Variants in EYS observed in about 807,000 individuals in gnomAD.
EYS encodes the protein EGF-like photoreceptor maintenance factor.
EYS carries 250 observed loss-of-function variants against 282.1 expected under a neutral mutation model. That is an observed-to-expected ratio of 0.89 (90% confidence interval 0.80 to 0.98). The LOEUF (loss-of-function observed/expected upper bound fraction) is 0.98, where lower values mean the gene tolerates loss of function less well. Ranked by LOEUF, EYS falls within the 50% of genes least tolerant of loss-of-function variation. EYS has a pLI of 0.00. For missense variants in EYS, 4,016 were observed against 3,709.0 expected, an observed-to-expected ratio of 1.08 and a Z score of -2.15; for synonymous variants, 1,355 against 1,282.9, an observed-to-expected ratio of 1.06 and a Z score of -1.20.
intron 5 of EYS, among the ~76,000 whole-genome samples, chr6:65,436,844 A>T (rs531055771): frequency 6.6e-6 from 1 of 152,276 alleles, no homozygotes; most frequent in East Asian, 1.9e-4. Flanking sequence ...TTAATATTTT[A>T]TTTAAAGAAA....
intron 35 of EYS, among the ~76,000 whole-genome samples, chr6:63,930,300 A>G (rs1446379618): frequency 9.2e-6 from 1 of 109,060 alleles, no homozygotes; most frequent in Non-Finnish European, 2.0e-5. Flanking sequence ...CCCAAAAACC[A>G]AACAAAAAGT....
At chr6:64,720,897 A>AT (rs983603932) in intron 22 of EYS, among the ~76,000 whole-genome samples, 1 of 152,160 alleles carries the variant, frequency 6.6e-6, no homozygotes, top group Admixed American at 6.5e-5. Flanking sequence ...AAACATCTGC[A>AT]TTTTTTTATG....
intron 13 of EYS, among the ~76,000 whole-genome samples, chr6:64,998,774 T>TG (rs1280841228): frequency 6.6e-6 from 1 of 152,246 alleles, no homozygotes; most frequent in African/African-American, 2.4e-5. Flanking sequence ...ATGTTACACA[T>TG]GGTATTTTTT....
chr6:64,420,832 A>C (rs1351100731), intron 28 of EYS, among the ~76,000 whole-genome samples: 1 of 152,150 alleles, frequency 6.6e-6, no homozygotes, highest in Non-Finnish European at 1.5e-5. Flanking sequence ...TCCATCTGAG[A>C]CCACCTCAGC....
chr6:64,744,948 T>C (rs959336379), intron 22 of EYS, among the ~76,000 whole-genome samples: 3 of 152,162 alleles, frequency 2.0e-5, no homozygotes, highest in Admixed American at 6.6e-5. Flanking sequence ...TTAAAAACTC[T>C]GGAACAGTTA....
intron 24 of EYS, among the ~76,000 whole-genome samples, chr6:64,607,277 A>G (rs1429272530): frequency 6.6e-6 from 1 of 152,054 alleles, no homozygotes; most frequent in Non-Finnish European, 1.5e-5. Context: ...TGTGAAGAAA[A>G]GAAGTTTTGG....
At chr6:64,918,965 G>A (rs759274555) in intron 15 of EYS, among the ~76,000 whole-genome samples, 12 of 151,964 alleles carry the variant, frequency 7.9e-5, no homozygotes, top group Non-Finnish European at 1.5e-4. Flanking sequence ...TTTAAATTTG[G>A]CCTTCTCTGC....
chr6:65,691,857 G>T lies in EYS; in HGVS notation c.-448+15278C>A, dbSNP rs899997028. 2.0e-5 allele frequency among the ~76,000 whole-genome samples: 3 copies of T among 150,342 alleles called. 1 individual carries two copies. The Admixed American group carries it at 2.0e-4, about 10-fold the overall frequency. ...ATAGGGAACCCTTTTCCCATTTCTT[G>T]TTTTTGTCAGGTTTGCCTAAGATCA... On this transcript the variant is annotated intron_variant, in intron 1 of 42. Transcript: ENST00000503581.
chr6:64,784,927 G>A (rs1210137048), intron 22 of EYS, among the ~76,000 whole-genome samples: 1 of 152,136 alleles, frequency 6.6e-6, no homozygotes, highest in South Asian at 2.1e-4. Flanking sequence ...TCTGACTTGG[G>A]AGAACACAAG....
At chr6:65,169,656 A>G (rs2150226552) in intron 12 of EYS, among the ~76,000 whole-genome samples, 1 of 151,574 alleles carries the variant, frequency 6.6e-6, no homozygotes, top group South Asian at 2.1e-4. Flanking sequence ...AAACTTTTAA[A>G]GGCAAAATTT....
At chr6:65,154,511 ATAAAG>A (rs1764688227) in intron 12 of EYS, among the ~76,000 whole-genome samples, 1 of 151,720 alleles carries the variant, frequency 6.6e-6, no homozygotes. Context: ...CAGATCCGAT[ATAAAG>A]TAATTTTATA....
chr6:65,045,893 T>C (rs1189969641), intron 13 of EYS, among the ~76,000 whole-genome samples: 1 of 151,922 alleles, frequency 6.6e-6, no homozygotes, highest in African/African-American at 2.4e-5. Flanking sequence ...AGATTTGTTA[T>C]AGCACTGCAA....
chr6:64,981,483 T>A (rs1414053049), intron 14 of EYS, among the ~76,000 whole-genome samples: 1 of 151,330 alleles, frequency 6.6e-6, no homozygotes, highest in Non-Finnish European at 1.5e-5. Flanking sequence ...TCTTGACAGA[T>A]CAAACATGCC....
chr6:65,167,704 T>C (rs1212682819), intron 12 of EYS, among the ~76,000 whole-genome samples: 1 of 151,312 alleles, frequency 6.6e-6, no homozygotes, highest in Non-Finnish European at 1.5e-5. Context: ...GATTATTATA[T>C]CTCCGAATAT....
intron 1 of EYS, among the ~76,000 whole-genome samples, chr6:65,642,749 G>C (rs1430221738): frequency 6.6e-6 from 1 of 152,112 alleles, no homozygotes; most frequent in Non-Finnish European, 1.5e-5. Context: ...TACAAGACCT[G>C]CAGTGATTTT....
At chr6:65,217,282 C>G (rs370016406) in intron 12 of EYS, among the ~76,000 whole-genome samples, 62 of 151,978 alleles carry the variant, frequency 4.1e-4, no homozygotes, top group South Asian at 4.1e-4. Context: ...AAATTTAAGA[C>G]TGTAGCAATT....
chr6:64,422,295 T>C (rs1034328599), intron 28 of EYS, among the ~76,000 whole-genome samples: 17 of 152,222 alleles, frequency 1.1e-4, no homozygotes, highest in Admixed American at 5.9e-4. Context: ...ATTGCCTCAT[T>C]CCATTAGGCA....
At chr6:65,463,876 C>G (rs1230229094) in intron 5 of EYS, among the ~76,000 whole-genome samples, 1 of 152,022 alleles carries the variant, frequency 6.6e-6, no homozygotes, top group Non-Finnish European at 1.5e-5. Flanking sequence ...CAAGGTCTGA[C>G]TGCAAAAATT....
intron 22 of EYS, among the ~76,000 whole-genome samples, chr6:64,704,316 C>T (rs1312750274): frequency 1.0e-5 from 1 of 98,342 alleles, no homozygotes; most frequent in African/African-American, 4.0e-5. Flanking sequence ...TATGTATGTA[C>T]TATATATAAA....
Sources: allele counts gnomAD v4.1 joint callset (sites outside exome capture counted in the v4.1 genomes callset), GRCh38; gene constraint gnomAD v4.1.1; transcripts MANE v1.5; gene names NCBI Gene and HGNC (gene_info 2026-07-23, HGNC 2026-07-21).